The following PIK3C2G variants were observed in gnomAD, a reference collection of about 807,000 sequenced individuals.
PIK3C2G encodes the protein phosphatidylinositol-4-phosphate 3-kinase catalytic subunit type 2 gamma, also known as phosphatidylinositol 3-kinase C2 domain-containing subunit gamma.
PIK3C2G carries 168 observed loss-of-function variants against 181.1 expected under a neutral mutation model. That is an observed-to-expected ratio of 0.93 (90% CI 0.82 to 1.05). The LOEUF (loss-of-function observed/expected upper bound fraction) is 1.05. Among genes scored for constraint, PIK3C2G ranks in the 50% least tolerant of loss-of-function variants. The pLI, the probability that PIK3C2G is intolerant of heterozygous loss-of-function variation, is 0.00. For synonymous variants in PIK3C2G, 573 were observed against 592.2 expected (o/e 0.97, Z 0.47); for missense variants, 1,869 against 1,732.8 (o/e 1.08, Z -1.40).
upstream of PIK3C2G, among the ~76,000 whole-genome samples, chr12:18,261,247 A>T (rs1023923411): frequency 3.9e-5 from 6 of 152,102 alleles, no homozygotes; most frequent in East Asian, 3.9e-4. Context: ...ACACATTTTT[A>T]AAAAATATAT....
the PIK3C2G span, among the ~76,000 whole-genome samples, chr12:18,656,982 A>T: frequency 7.9e-5 from 12 of 152,158 alleles, no homozygotes; most frequent in Admixed American, 6.6e-4. Flanking sequence ...CATTTTTTGT[A>T]TAGGGTCCTA....
At chr12:18,505,908 A>G (rs764331983) in intron 24 of PIK3C2G, among the ~76,000 whole-genome samples, 1 of 152,214 alleles carries the variant, frequency 6.6e-6, no homozygotes, top group Non-Finnish European at 1.5e-5. Context: ...GGGAATACCT[A>G]CTATTCAAGG....
intron 21 of PIK3C2G, among the ~76,000 whole-genome samples, chr12:18,496,814 G>A (rs1941052019): frequency 6.6e-6 from 1 of 152,082 alleles, no homozygotes. Flanking sequence ...CTATTTTGGA[G>A]GATAATGAGT....
intron 26 of PIK3C2G, among the ~76,000 whole-genome samples, chr12:18,551,619 C>T (rs1311371694): frequency 6.6e-6 from 1 of 152,042 alleles, no homozygotes; most frequent in African/African-American, 2.4e-5. Flanking sequence ...AACAAAACCC[C>T]ACACTTCAAA....
the PIK3C2G span, among the ~76,000 whole-genome samples, chr12:18,717,996 G>A: frequency 2.6e-5 from 4 of 152,106 alleles, no homozygotes; most frequent in African/African-American, 9.7e-5. Flanking sequence ...TCAGCCACAT[G>A]ATCACAAGGG....
At chr12:18,312,087 G>T (rs1950661398) in intron 5 of PIK3C2G, among the ~76,000 whole-genome samples, 1 of 152,008 alleles carries the variant, frequency 6.6e-6, no homozygotes, top group South Asian at 2.1e-4. Flanking sequence ...TGTTTAGATT[G>T]TGCCCACCCA....
At chr12:18,631,224 G>C (rs965415818) in intron 31 of PIK3C2G, among the ~76,000 whole-genome samples, 1 of 152,132 alleles carries the variant, frequency 6.6e-6, no homozygotes, top group Admixed American at 6.6e-5. Flanking sequence ...TTGGGGGGAA[G>C]AGAAGTTTCT....
At chr12:18,283,522 T>C (rs1236007448) in intron 2 of PIK3C2G, among the ~76,000 whole-genome samples, 1 of 152,172 alleles carries the variant, frequency 6.6e-6, no homozygotes, top group East Asian at 1.9e-4. Context: ...CCTTAAAACA[T>C]ATTGTGATAT....
At chr12:18,334,877 A>G (rs1416077520) in intron 8 of PIK3C2G, among the ~76,000 whole-genome samples, 1 of 151,982 alleles carries the variant, frequency 6.6e-6, no homozygotes, top group Non-Finnish European at 1.5e-5. Context: ...TTGTATATGT[A>G]TGTGTATTTG....
At chr12:18,376,937 C>T (rs1226309269) in intron 13 of PIK3C2G, among the ~76,000 whole-genome samples, 1 of 152,264 alleles carries the variant, frequency 6.6e-6, no homozygotes, top group Non-Finnish European at 1.5e-5. Flanking sequence ...GTAAAGCCTG[C>T]AGAATAATGA....
intron 15 of PIK3C2G, among the ~76,000 whole-genome samples, chr12:18,398,246 C>CT (rs1252136095): frequency 6.6e-6 from 1 of 151,310 alleles, no homozygotes; most frequent in Non-Finnish European, 1.5e-5. Flanking sequence ...ACAAAAAGAG[C>CT]TAAAAAAAAG....
intron 1 of PIK3C2G, among the ~76,000 whole-genome samples, chr12:18,253,682 A>T (rs1029687686): frequency 1.3e-5 from 2 of 152,164 alleles, no homozygotes; most frequent in Non-Finnish European, 2.9e-5. Context: ...TAGCGCAATG[A>T]AACTCTTGAA....
chr12:18,547,594 A>T (rs1222665406), intron 26 of PIK3C2G, among the ~76,000 whole-genome samples: 3 of 151,958 alleles, frequency 2.0e-5, no homozygotes, highest in Non-Finnish European at 4.4e-5. Context: ...CCAGTACTCA[A>T]TATTGGAAAT....
intron 5 of PIK3C2G, among the ~76,000 whole-genome samples, chr12:18,295,872 C>T (rs529436326): frequency 6.6e-6 from 1 of 152,008 alleles, no homozygotes; most frequent in East Asian, 1.9e-4. Flanking sequence ...TCAAATATTA[C>T]TTTTAGTGTA....
intron 31 of PIK3C2G, among the ~76,000 whole-genome samples, chr12:18,620,209 C>T (rs1180732519): frequency 6.6e-6 from 1 of 151,994 alleles, no homozygotes; most frequent in African/African-American, 2.4e-5. Flanking sequence ...TATCTGTATA[C>T]TAGTTCTACG....
In PIK3C2G at chr12:18,401,038, G is replaced by A. The variant is rs1944222514; in HGVS notation, c.2315+1191G>A. On this transcript the variant is annotated intron_variant, in intron 16 of 32. Coordinates refer to ENST00000538779, the MANE Select transcript of PIK3C2G (RefSeq NM_001288772.2). Reference sequence around the variant, plus strand: ...TACACATTGCATTTTATGGTAATGTGTTTATATGCAACAGGTAAAATGTGT... The same window carrying A: ...TACACATTGCATTTTATGGTAATGTATTTATATGCAACAGGTAAAATGTGT... Among the ~76,000 whole-genome samples, 3 of 151,996 alleles carry A rather than the reference G, an allele frequency of 2.0e-5. No individual in the cohort carries two copies. The South Asian group carries it at 6.2e-4, about 31-fold the overall frequency.
At chr12:18,463,018 A>G (rs984931594) in intron 18 of PIK3C2G, among the ~76,000 whole-genome samples, 1 of 152,180 alleles carries the variant, frequency 6.6e-6, no homozygotes, top group African/African-American at 2.4e-5. Context: ...TATTGGATAC[A>G]CTTAAAAATA....
At chr12:18,413,521 T>A (rs1021181747) in intron 16 of PIK3C2G, among the ~76,000 whole-genome samples, 7 of 152,156 alleles carry the variant, frequency 4.6e-5, no homozygotes, top group African/African-American at 1.7e-4. Context: ...GACCTTTATC[T>A]TTTTTATATC....
chr12:18,344,501 T>G (rs1377674814), intron 10 of PIK3C2G, among the ~76,000 whole-genome samples: 1 of 152,070 alleles, frequency 6.6e-6, no homozygotes, highest in Non-Finnish European at 1.5e-5. Flanking sequence ...CCTGACAGTA[T>G]TGCTAACAGA....
Sources: allele counts gnomAD v4.1 joint callset (sites outside exome capture counted in the v4.1 genomes callset), GRCh38; gene constraint gnomAD v4.1.1; transcripts MANE v1.5; gene names NCBI Gene and HGNC (gene_info 2026-07-23, HGNC 2026-07-21).